FGF12: variants seen among roughly 807,000 people sequenced by gnomAD.
FGF12 encodes fibroblast growth factor 12.
A neutral mutation model predicts 23.6 loss-of-function variants in FGF12; 14 were observed. The observed-to-expected ratio is 0.59, with a 90% CI of 0.39 to 0.93. The LOEUF (loss-of-function observed/expected upper bound fraction) is 0.93. FGF12 is among the 40% of genes least tolerant of loss of function. The pLI is 0.00. For synonymous variants in FGF12, 62 were observed against 77.3 expected, an observed-to-expected ratio of 0.80 and a Z score of 1.04; for missense variants, 175 against 217.8, an observed-to-expected ratio of 0.80 and a Z score of 1.24.
chr3:192,422,057 AT>A (rs200686070), intron 2 of FGF12, among the ~76,000 whole-genome samples: 7 of 150,026 alleles, frequency 4.7e-5, no homozygotes, highest in South Asian at 2.1e-4. Flanking sequence ...GGCTTTTGGT[AT>A]TTTTTTTTCC....
At chr3:192,426,771 T>G (rs1186933745) in intron 2 of FGF12, among the ~76,000 whole-genome samples, 1 of 152,196 alleles carries the variant, frequency 6.6e-6, no homozygotes, top group African/African-American at 2.4e-5. Context: ...CTTACATAAG[T>G]AGTATCAGGA....
At chr3:192,252,529 G>T (rs1325188534) in intron 4 of FGF12, among the ~76,000 whole-genome samples, 4 of 93,242 alleles carry the variant, frequency 4.3e-5, no homozygotes, top group African/African-American at 1.6e-4. Flanking sequence ...GACAAGAAAA[G>T]ACAAGAAAAG....
At chr3:192,472,270 C>A (rs1723196865) in intron 2 of FGF12, among the ~76,000 whole-genome samples, 1 of 152,092 alleles carries the variant, frequency 6.6e-6, no homozygotes, top group East Asian at 1.9e-4. Context: ...CCCGCCGCGG[C>A]CTCCCAAAGT....
chr3:192,219,893 G>A (rs1369530783), intron 4 of FGF12, among the ~76,000 whole-genome samples: 2 of 152,112 alleles, frequency 1.3e-5, no homozygotes, highest in Non-Finnish European at 2.9e-5. Context: ...CTCTAACTGA[G>A]TTCATTCTCA....
At chr3:192,678,304 T>C (rs1717398635) in intron 2 of FGF12, among the ~76,000 whole-genome samples, 1 of 152,192 alleles carries the variant, frequency 6.6e-6, no homozygotes, top group Admixed American at 6.5e-5. Context: ...AAATGGCAGA[T>C]ACAGAATGTG....
At chr3:192,368,855 T>A (rs1464942) in intron 2 of FGF12, among the ~76,000 whole-genome samples, 38,115 of 152,052 alleles carry the variant, frequency 0.25, 5,184 homozygotes, top group Admixed American at 0.33. Context: ...CTGCCAGCCC[T>A]TTCTCTACTT....
intron 2 of FGF12, among the ~76,000 whole-genome samples, chr3:192,694,722 T>C (rs1356760006): frequency 1.6e-4 from 25 of 152,054 alleles, no homozygotes; most frequent in South Asian, 6.2e-4. Context: ...CCCTGCTATT[T>C]GCAACAACAT....
intron 2 of FGF12, among the ~76,000 whole-genome samples, chr3:192,599,254 TATA>T (rs11269443): frequency 8.3e-4 from 81 of 98,174 alleles, no homozygotes; most frequent in African/African-American, 1.2e-3. Context: ...GAACTTGAAG[TATA>T]ATAATAATAA....
At chr3:192,614,324 A>C (rs1714667464) in intron 2 of FGF12, among the ~76,000 whole-genome samples, 1 of 151,886 alleles carries the variant, frequency 6.6e-6, no homozygotes, top group South Asian at 2.1e-4. Flanking sequence ...TTGTATTTCT[A>C]CATCTAGACG....
At position 192,335,438 on chromosome 3, in the gene FGF12, G is replaced by A. The variant is rs762107311; in HGVS notation, c.151C>T (p.Leu51=). Residue 51 remains leucine (L), a synonymous_variant, in exon 4 of 6, where the codon CTG becomes TTG. Coordinates refer to ENST00000445105, the MANE Select transcript of FGF12 (RefSeq NM_004113.6). ...ACTCCTTGGATGGCCACTACACGCA[G>A]GCCCACGGGAATTAGATTGAAGAGA... ...YTLFNLIPVG[L]RVVAIQGVKA... 2 of 1,612,964 alleles carry A rather than the reference G, an allele frequency of 1.2e-6. No individual in the cohort carries two copies. The highest frequency in any genetic ancestry group is 2.2e-5 in the South Asian group (2 of 91,032).
intron 2 of FGF12, among the ~76,000 whole-genome samples, chr3:192,394,661 C>A (rs569385603): frequency 6.6e-6 from 1 of 152,256 alleles, no homozygotes; most frequent in South Asian, 2.1e-4. Flanking sequence ...ACTCTGACTC[C>A]TAGTCCAGTA....
At chr3:192,393,105 TA>T (rs1375209279) in intron 2 of FGF12, among the ~76,000 whole-genome samples, 1 of 152,174 alleles carries the variant, frequency 6.6e-6, no homozygotes, top group Non-Finnish European at 1.5e-5. Context: ...CCACCAGGAG[TA>T]ATAATTTGCA....
chr3:192,155,764 C>A (rs1560170025), intron 5 of FGF12, among the ~76,000 whole-genome samples: 1 of 152,150 alleles, frequency 6.6e-6, no homozygotes, highest in Admixed American at 6.5e-5. Flanking sequence ...TAGGGGAAAC[C>A]TTTAGCAAGT....
intron 5 of FGF12, among the ~76,000 whole-genome samples, chr3:192,145,167 A>C (rs546709150): frequency 9.8e-5 from 15 of 152,342 alleles, no homozygotes; most frequent in Admixed American, 1.3e-4. Flanking sequence ...GTTAATTTGG[A>C]CACATTTTCA....
At chr3:192,489,118 G>A (rs1358217729) in intron 2 of FGF12, among the ~76,000 whole-genome samples, 1 of 151,978 alleles carries the variant, frequency 6.6e-6, no homozygotes, top group Non-Finnish European at 1.5e-5. Flanking sequence ...GTCACTTTAT[G>A]TAACTGATGA....
chr3:192,573,974 G>A (rs1486417184), intron 2 of FGF12, among the ~76,000 whole-genome samples: 3 of 152,088 alleles, frequency 2.0e-5, no homozygotes, highest in Non-Finnish European at 2.9e-5. Flanking sequence ...TTACCCTAAG[G>A]TGCCCTTGAA....
intron 4 of FGF12, among the ~76,000 whole-genome samples, chr3:192,311,053 T>C (rs1317403043): frequency 6.6e-6 from 1 of 152,224 alleles, no homozygotes; most frequent in Non-Finnish European, 1.5e-5. Context: ...ACAATGATTT[T>C]ATTTCCTGTT....
chr3:192,575,246 G>T (rs957543331), intron 2 of FGF12, among the ~76,000 whole-genome samples: 18 of 152,152 alleles, frequency 1.2e-4, no homozygotes, highest in Non-Finnish European at 1.3e-4. Flanking sequence ...GGATGCAATT[G>T]TTATATTCAT....
chr3:192,158,666 C>CTTCCTTCCT (rs746837980), intron 5 of FGF12, among the ~76,000 whole-genome samples: 8,446 of 61,748 alleles, frequency 0.14, 995 homozygotes, highest in Non-Finnish European at 0.23. Flanking sequence ...CCTTCCTTCC[C>CTTCCTTCCT]TCCCTCCCTC....
Sources: allele counts gnomAD v4.1 joint callset (sites outside exome capture counted in the v4.1 genomes callset), GRCh38; gene constraint gnomAD v4.1.1; transcripts MANE v1.5; gene names NCBI Gene and HGNC (gene_info 2026-07-23, HGNC 2026-07-21).